Variants in RBMS1 observed in about 807,000 individuals in gnomAD.
RBMS1 encodes RNA-binding motif, single-stranded-interacting protein 1.
Under a neutral mutation model 62.3 loss-of-function variants are expected in RBMS1, and 17 were observed. The observed-to-expected ratio is 0.27, with a 90% confidence interval of 0.19 to 0.41. The LOEUF is 0.41. RBMS1 is among the 10% of genes least tolerant of loss of function. RBMS1 has a pLI of 1.00. For synonymous variants in RBMS1, 172 were observed against 170.0 expected, an observed-to-expected ratio of 1.01 and a Z score of -0.09; for missense variants, 334 against 504.5, an observed-to-expected ratio of 0.66 and a Z score of 3.24.
intron 1 of RBMS1, among the ~76,000 whole-genome samples, chr2:160,417,561 G>C (rs1433153490): frequency 6.6e-6 from 1 of 152,118 alleles, no homozygotes; most frequent in Non-Finnish European, 1.5e-5. Context: ...TGCAATCTAA[G>C]ATACCACTGA....
At chr2:160,452,465 C>G (rs1302971653) in intron 1 of RBMS1, among the ~76,000 whole-genome samples, 1 of 152,168 alleles carries the variant, frequency 6.6e-6, no homozygotes, top group Non-Finnish European at 1.5e-5. Flanking sequence ...ATATTAATAA[C>G]ACATAATACA....
intron 1 of RBMS1, among the ~76,000 whole-genome samples, chr2:160,381,096 G>A (rs560907756): frequency 6.6e-6 from 1 of 152,248 alleles, no homozygotes; most frequent in African/African-American, 2.4e-5. Context: ...AACTTGGTCT[G>A]CCTTATAGAC....
At chr2:160,426,987 A>G (rs753115376) in intron 1 of RBMS1, among the ~76,000 whole-genome samples, 1 of 152,216 alleles carries the variant, frequency 6.6e-6, no homozygotes, top group Non-Finnish European at 1.5e-5. Flanking sequence ...TTTGATTCCT[A>G]CAAATTGAGA....
intron 1 of RBMS1, among the ~76,000 whole-genome samples, chr2:160,471,710 T>TAC (rs1684926021): frequency 3.5e-5 from 4 of 114,160 alleles, no homozygotes; most frequent in African/African-American, 1.2e-4. Context: ...TATATATATA[T>TAC]ATATATAACC....
At chr2:160,414,602 A>G (rs1696148903) in intron 1 of RBMS1, among the ~76,000 whole-genome samples, 2 of 152,208 alleles carry the variant, frequency 1.3e-5, no homozygotes, top group South Asian at 4.1e-4. Context: ...ATAACTTATA[A>G]ACATTTTGTG....
At chr2:160,486,757 A>G (rs569600851) in intron 1 of RBMS1, among the ~76,000 whole-genome samples, 1 of 152,366 alleles carries the variant, frequency 6.6e-6, no homozygotes, top group South Asian at 2.1e-4. Context: ...TTCTGAAGAA[A>G]TGCCAGCCCA....
chr2:160,351,298 T>G (rs1489063827), intron 2 of RBMS1, among the ~76,000 whole-genome samples: 2 of 151,564 alleles, frequency 1.3e-5, no homozygotes, highest in East Asian at 3.9e-4. Context: ...GCACATTGTG[T>G]ACATGTACCC....
At chr2:160,281,215 CCCAA>C in intron 10 of RBMS1, 95 bp downstream of exon 10, 1 of 877,330 alleles carries the variant, frequency 1.1e-6, no homozygotes, top group Non-Finnish European at 1.7e-6. Flanking sequence ...TTTAAAATTT[CCCAA>C]ATCCTATACC....
intron 1 of RBMS1, among the ~76,000 whole-genome samples, chr2:160,442,463 A>C (rs1405698043): frequency 1.3e-5 from 2 of 152,246 alleles, no homozygotes; most frequent in East Asian, 3.8e-4. Flanking sequence ...TAAGTTGTAC[A>C]TGCCCACGCC....
At chr2:160,448,827 G>A (rs533850842) in intron 1 of RBMS1, among the ~76,000 whole-genome samples, 10 of 151,912 alleles carry the variant, frequency 6.6e-5, no homozygotes, top group South Asian at 2.1e-4. Flanking sequence ...CTTCCCGGCC[G>A]CCATCCTGTC....
At chr2:160,396,880 G>T (rs1190524462) in intron 1 of RBMS1, among the ~76,000 whole-genome samples, 2 of 152,088 alleles carry the variant, frequency 1.3e-5, no homozygotes, top group Non-Finnish European at 2.9e-5. Context: ...ATGTCTACCT[G>T]CGCATGCACG....
intron 1 of RBMS1, among the ~76,000 whole-genome samples, chr2:160,471,716 T>TAA (rs1553532606): frequency 0.016 from 1,214 of 75,842 alleles, 98 homozygotes; most frequent in South Asian, 0.075. Context: ...TATATATATA[T>TAA]AACCTTTCAT....
intron 2 of RBMS1, among the ~76,000 whole-genome samples, chr2:160,319,813 C>T (rs1277565377): frequency 6.6e-6 from 1 of 152,174 alleles, no homozygotes; most frequent in Non-Finnish European, 1.5e-5. Context: ...AAAAAAATGG[C>T]TTGAGCCACT....
chr2:160,450,556 T>TAGAAAAAAAAAAAAAAAAAAAAAAA (rs1349442120), intron 1 of RBMS1, among the ~76,000 whole-genome samples: 2 of 9,560 alleles, frequency 2.1e-4, no homozygotes, highest in Non-Finnish European at 5.0e-4. Flanking sequence ...AAATAAAAAA[T>TAGAAAAAAAAAAAAAAAAAAAAAAA]AAAAAATGAA....
intron 2 of RBMS1, among the ~76,000 whole-genome samples, chr2:160,339,659 GACAT>G (rs1357090546): frequency 6.6e-6 from 1 of 151,954 alleles, no homozygotes; most frequent in African/African-American, 2.4e-5. Flanking sequence ...TCCCCATACT[GACAT>G]ACATCTTTAC....
At chr2:160,347,966 C>A (rs2106001980) in intron 2 of RBMS1, among the ~76,000 whole-genome samples, 1 of 152,152 alleles carries the variant, frequency 6.6e-6, no homozygotes, top group Admixed American at 6.5e-5. Context: ...AAATTAAGCA[C>A]CGTCTAATGC....
intron 1 of RBMS1, among the ~76,000 whole-genome samples, chr2:160,465,107 A>T (rs1174738095): frequency 6.6e-6 from 1 of 152,234 alleles, no homozygotes; most frequent in African/African-American, 2.4e-5. Flanking sequence ...ACAAAAAGTC[A>T]AATAAGCTAA....
At chr2:160,481,594 A>G (rs1685373923) in intron 1 of RBMS1, among the ~76,000 whole-genome samples, 1 of 152,200 alleles carries the variant, frequency 6.6e-6, no homozygotes, top group African/African-American at 2.4e-5. Flanking sequence ...CCTACAAACC[A>G]ATAAAAAAGA....
At chr2:160,382,135 C>T (rs1694312236) in intron 1 of RBMS1, among the ~76,000 whole-genome samples, 1 of 152,114 alleles carries the variant, frequency 6.6e-6, no homozygotes, top group African/African-American at 2.4e-5. Flanking sequence ...ATGTTAGAAA[C>T]CATGAAGCTG....
Sources: allele counts gnomAD v4.1 joint callset (sites outside exome capture counted in the v4.1 genomes callset), GRCh38; gene constraint gnomAD v4.1.1; transcripts MANE v1.5; gene names NCBI Gene and HGNC (gene_info 2026-07-23, HGNC 2026-07-21).